Variants in CRADD observed in about 807,000 individuals in gnomAD.
CRADD encodes CARD and death domain containing adaptor protein.
A neutral mutation model predicts 15.5 loss-of-function variants in CRADD; 9 were observed. That is an observed-to-expected ratio of 0.58 (90% confidence interval 0.35 to 1.01). The LOEUF (loss-of-function observed/expected upper bound fraction) is 1.01. CRADD is among the 50% of genes least tolerant of loss of function. The probability of loss-of-function intolerance (pLI) is 0.02; values close to 1 mark genes in which losing one functional copy is unlikely to be tolerated. For missense variants in CRADD, 227 were observed against 250.3 expected (o/e 0.91, Z 0.63); for synonymous variants, 118 against 107.6 (o/e 1.10, Z -0.60).
At chr12:93,695,754 T>C (rs1955689119) in intron 2 of CRADD, among the ~76,000 whole-genome samples, 1 of 151,972 alleles carries the variant, frequency 6.6e-6, no homozygotes, top group South Asian at 2.1e-4. Context: ...AATACAAAAA[T>C]TAGTGGTGGC....
chr12:93,845,329 C>T (rs1173520690), intron 2 of CRADD, among the ~76,000 whole-genome samples: 1 of 152,190 alleles, frequency 6.6e-6, no homozygotes, highest in African/African-American at 2.4e-5. Flanking sequence ...GAGCAAAGAG[C>T]AGTTCTGGAC....
At chr12:93,785,334 G>A (rs972686387) in intron 2 of CRADD, among the ~76,000 whole-genome samples, 4 of 152,154 alleles carry the variant, frequency 2.6e-5, no homozygotes, top group South Asian at 2.1e-4. Context: ...TTCCTCTGAC[G>A]AACATCCGAA....
At chr12:93,814,615 T>C (rs1445857685) in intron 2 of CRADD, among the ~76,000 whole-genome samples, 1 of 152,198 alleles carries the variant, frequency 6.6e-6, no homozygotes, top group African/African-American at 2.4e-5. Flanking sequence ...CTACAAACTT[T>C]GGAGAGTGCC....
intron 2 of CRADD, among the ~76,000 whole-genome samples, chr12:93,828,571 T>C (rs917573732): frequency 6.6e-6 from 1 of 152,244 alleles, no homozygotes; most frequent in Non-Finnish European, 1.5e-5. Context: ...AGTCAGTTGT[T>C]TTAGCATCAC....
At chr12:93,729,513 A>G (rs1956426358) in intron 2 of CRADD, among the ~76,000 whole-genome samples, 2 of 152,262 alleles carry the variant, frequency 1.3e-5, no homozygotes, top group African/African-American at 4.8e-5. Flanking sequence ...ACAGCCAGCC[A>G]CGGTGGCTCA....
chr12:93,890,845 C>G (rs544018219), intron 2 of CRADD, among the ~76,000 whole-genome samples: 2 of 151,724 alleles, frequency 1.3e-5, no homozygotes, highest in South Asian at 4.2e-4. Flanking sequence ...GCAGCCTCCA[C>G]CTCCTGTGAT....
At chr12:93,863,596 T>A (rs1489736526) in intron 2 of CRADD, among the ~76,000 whole-genome samples, 5 of 124,774 alleles carry the variant, frequency 4.0e-5, no homozygotes, top group African/African-American at 6.1e-5. Flanking sequence ...GTGGAGGCAT[T>A]TGTGTGTGTG....
intron 2 of CRADD, among the ~76,000 whole-genome samples, chr12:93,729,885 A>G (rs1956434696): frequency 6.6e-6 from 1 of 152,198 alleles, no homozygotes. Flanking sequence ...TTGGCTATAT[A>G]TATAGTGGCC....
At chr12:93,686,304 C>CAAAAA (rs59096792) in intron 2 of CRADD, among the ~76,000 whole-genome samples, 979 of 65,536 alleles carry the variant, frequency 0.015, 13 homozygotes, top group African/African-American at 0.044. Flanking sequence ...CCATCCCCCC[C>CAAAAA]AAAAAAAAAA....
chr12:93,837,671 A>C (rs1192782844), intron 2 of CRADD: 1 of 152,230 alleles, frequency 6.6e-6, no homozygotes, highest in Admixed American at 6.5e-5. Flanking sequence ...AAGTGATACA[A>C]CAATAAATGG....
At chr12:93,848,166 A>T (rs1402702338) in intron 2 of CRADD, among the ~76,000 whole-genome samples, 1 of 151,344 alleles carries the variant, frequency 6.6e-6, no homozygotes, top group Non-Finnish European at 1.5e-5. Flanking sequence ...TTTTTTAATG[A>T]GCCTATGTTT....
At chr12:93,763,035 GATA>G (rs1264849894) in intron 2 of CRADD, among the ~76,000 whole-genome samples, 1 of 152,156 alleles carries the variant, frequency 6.6e-6, no homozygotes, top group Non-Finnish European at 1.5e-5. Flanking sequence ...ACAGAATGGT[GATA>G]ATATTGTGTT....
chr12:93,894,261 T>G, exon 3 of CRADD: 17 of 537,400 alleles, frequency 3.2e-5, no homozygotes, highest in Admixed American at 5.5e-5. Context: ...ATTCTGTGTA[T>G]GTGTGTGGGT....
At chr12:93,847,786 G>A (rs1223071024) in intron 2 of CRADD, among the ~76,000 whole-genome samples, 2 of 152,222 alleles carry the variant, frequency 1.3e-5, no homozygotes, top group African/African-American at 2.4e-5. Flanking sequence ...GAGAGGAAAT[G>A]TAAAGTAATT....
intron 2 of CRADD, among the ~76,000 whole-genome samples, chr12:93,680,297 G>A (rs1215369706): frequency 3.9e-5 from 6 of 152,066 alleles, no homozygotes; most frequent in Non-Finnish European, 2.9e-5. Context: ...GAACTATTCC[G>A]GTTCAGTGGG....
chr12:93,758,128 T>G (rs1214314301), intron 2 of CRADD, among the ~76,000 whole-genome samples: 1 of 152,252 alleles, frequency 6.6e-6, no homozygotes, highest in Non-Finnish European at 1.5e-5. Context: ...TTAATCCTCA[T>G]TGCTGCTGTT....
At chr12:93,864,993 AC>A (rs1014868791) in intron 2 of CRADD, among the ~76,000 whole-genome samples, 1 of 152,216 alleles carries the variant, frequency 6.6e-6, no homozygotes, top group Non-Finnish European at 1.5e-5. Context: ...TGATGAATAA[AC>A]AAATGAATGA....
At chr12:93,715,914 G>C (rs1415456429) in intron 2 of CRADD, among the ~76,000 whole-genome samples, 3 of 152,076 alleles carry the variant, frequency 2.0e-5, no homozygotes, top group Non-Finnish European at 4.4e-5. Context: ...GGCTGAGGCG[G>C]GGGGATCGCT....
At chr12:93,878,455 G>A (rs1200821404) in intron 2 of CRADD, among the ~76,000 whole-genome samples, 1 of 152,176 alleles carries the variant, frequency 6.6e-6, no homozygotes, top group African/African-American at 2.4e-5. Flanking sequence ...CTGGGGTAGG[G>A]TAGGGGTGAT....
Sources: gnomAD v4.1 joint callset for allele counts (sites outside exome capture counted in the v4.1 genomes callset) on GRCh38, gnomAD v4.1.1 for gene constraint, MANE v1.5 for transcripts, NCBI Gene and HGNC (gene_info 2026-07-23, HGNC 2026-07-21) for gene names.